Variants in AGXT2 observed in about 807,000 individuals in gnomAD.
AGXT2 encodes the protein alanine--glyoxylate aminotransferase 2.
In AGXT2, 61 loss-of-function variants were observed where a neutral mutation model predicts 62.5. The observed-to-expected ratio is 0.98, with a 90% CI of 0.79 to 1.21. The LOEUF is 1.21. Among genes scored for constraint, AGXT2 ranks in the 50% most tolerant of loss-of-function variants. The pLI, the probability that AGXT2 is intolerant of heterozygous loss-of-function variation, is 0.00. For synonymous variants in AGXT2, 243 were observed against 218.7 expected (o/e 1.11, Z -0.98); for missense variants, 666 against 641.5 (o/e 1.04, Z -0.41).
In AGXT2 at chr5:35,030,415, G is replaced by A. The variant is rs574649370; in HGVS notation, c.769+2317C>T. 2.0e-5 allele frequency among the ~76,000 whole-genome samples: 3 copies of A among 152,324 alleles called. No homozygotes were observed. In the South Asian group the frequency reaches 6.2e-4, roughly 32 times the overall value. On this transcript the variant is annotated intron_variant, in intron 7 of 13. Transcript: ENST00000231420. ...CCCCGCTACTCGGGAAGCTGAGGCAGGAGAATCGCTTGAACCCGGGAGGCG... is the reference window on the plus strand; with the variant it reads ...CCCCGCTACTCGGGAAGCTGAGGCAAGAGAATCGCTTGAACCCGGGAGGCG...
chr5:35,006,609 C>A (rs1766434155), intron 12 of AGXT2, among the ~76,000 whole-genome samples: 1 of 152,166 alleles, frequency 6.6e-6, no homozygotes, highest in Admixed American at 6.5e-5. Flanking sequence ...ATCCAAATAC[C>A]TCCTACTGGC....
At chr5:35,028,867 G>C (rs1476546578) in intron 7 of AGXT2, among the ~76,000 whole-genome samples, 1 of 152,186 alleles carries the variant, frequency 6.6e-6, no homozygotes, top group East Asian at 1.9e-4. Flanking sequence ...CCCAGTGCTT[G>C]CTTAGAGGCA....
chr5:35,047,489 T>A lies in AGXT2; in HGVS notation c.88+316A>T, dbSNP rs1768282928. On this transcript the variant is annotated intron_variant, in intron 1 of 13. Transcript: ENST00000231420. ...ATCCTTGGGCATCTGTAAATTGAAG[T>A]CACACTCTATTTTGATTGCTTTCCT... 3.3e-5 allele frequency among the ~76,000 whole-genome samples: 5 copies of A among 152,178 alleles called. No homozygotes were observed. The South Asian group carries it at 8.3e-4, about 25-fold the overall frequency.
intron 7 of AGXT2, chr5:35,027,171 A>G (rs1416165991): frequency 8.9e-6 from 2 of 223,704 alleles, no homozygotes; most frequent in Non-Finnish European, 1.5e-5. Context: ...TGGCCAGGCA[A>G]GCTGTTTGGT....
intron 1 of AGXT2, among the ~76,000 whole-genome samples, chr5:35,042,763 T>C (rs1323179390): frequency 6.6e-6 from 1 of 151,672 alleles, no homozygotes; most frequent in Admixed American, 6.6e-5. Context: ...TGTGTGTGTG[T>C]GTGTGTGTGT....
intron 5 of AGXT2, among the ~76,000 whole-genome samples, chr5:35,034,026 G>A (rs1249436510): frequency 1.3e-5 from 2 of 152,054 alleles, no homozygotes; most frequent in Non-Finnish European, 2.9e-5. Context: ...TCTTTTGAAC[G>A]TGAAACAGTC....
At chr5:35,040,751 T>C in intron 1 of AGXT2, 88 bp from the exon 2 acceptor site, 1 of 984,872 alleles carries the variant, frequency 1.0e-6, no homozygotes, top group Non-Finnish European at 1.6e-6. Context: ...ATAAAACTGC[T>C]TAGATAATTT....
intron 5 of AGXT2, 61 bp downstream of exon 5, chr5:35,035,161 A>T: frequency 7.4e-7 from 1 of 1,356,556 alleles, no homozygotes; most frequent in Non-Finnish European, 1.1e-6. Flanking sequence ...ATGTAAAGCT[A>T]CACATTTAGA....
chr5:35,007,706 G>GCC (rs1243380990), intron 12 of AGXT2, among the ~76,000 whole-genome samples: 2 of 152,116 alleles, frequency 1.3e-5, no homozygotes, highest in Non-Finnish European at 2.9e-5. Context: ...GAGAAAAAGA[G>GCC]CCCCTTCTAT....
intron 3 of AGXT2, among the ~76,000 whole-genome samples, chr5:35,038,584 G>A (rs993661905): frequency 7.3e-4 from 111 of 152,170 alleles, no homozygotes; most frequent in African/African-American, 2.6e-3. Flanking sequence ...CCTGACAGCT[G>A]CCTGAGGGGG....
rs74427430 is a variant in AGXT2 at position 35,042,916 on chromosome 5, G to A, written c.89-2253C>T. ...TAGTGCCTTTTTAGGCTAACCAGACGACAGCTAATGATTTTCATCCAATTC... is the reference window on the plus strand; with the variant it reads ...TAGTGCCTTTTTAGGCTAACCAGACAACAGCTAATGATTTTCATCCAATTC... On this transcript the variant is annotated intron_variant, in intron 1 of 13. Transcript: ENST00000231420. Among the ~76,000 whole-genome samples the A allele has an allele frequency of 6.4e-3, 971 of 152,242 alleles. 13 individuals carry two copies. The highest frequency in any genetic ancestry group is 0.022 in the African/African-American group (921 of 41,552).
intron 7 of AGXT2, among the ~76,000 whole-genome samples, chr5:35,027,619 T>G (rs1306300764): frequency 2.0e-5 from 3 of 152,032 alleles, no homozygotes; most frequent in Admixed American, 2.0e-4. Context: ...GCTGATCTTT[T>G]TCTTGATTGC....
At chr5:35,047,364 G>A (rs1050426421) in intron 1 of AGXT2, among the ~76,000 whole-genome samples, 1 of 152,136 alleles carries the variant, frequency 6.6e-6, no homozygotes, top group Non-Finnish European at 1.5e-5. Context: ...AATTATTTGA[G>A]CCTTGGAGGT....
intron 6 of AGXT2, 185 bp downstream of exon 6, chr5:35,033,275 C>T: frequency 4.9e-6 from 3 of 611,256 alleles, no homozygotes; most frequent in Non-Finnish European, 2.9e-6. Context: ...TTAATTATTA[C>T]TCAGACTCGG....
At position 35,003,829 on chromosome 5, in the gene AGXT2, T is replaced by A; in HGVS notation, c.1371A>T (p.Val457=). The change falls in exon 13 of 14, where the codon GTA becomes GTT. Residue 457 remains valine, a synonymous_variant. Coordinates refer to ENST00000231420, the MANE Select transcript of AGXT2 (RefSeq NM_031900.4). ...GCTTGCAGTCCTCATGGATCTGATT[T>A]ACTTCTTCACGGGGAAGAGGCCGAC... ...ISCRPLPREE[V]NQIHEDCKHM... 1 of 1,614,226 alleles carries A rather than the reference T, an allele frequency of 6.2e-7. No individual in the cohort carries two copies. Among genetic ancestry groups the A allele is most frequent in the Non-Finnish European group, 8.5e-7 (1 of 1,180,044 alleles).
At chr5:35,003,882 T>C in intron 12 of AGXT2, 21 bp from the exon 13 acceptor site, 1 of 1,608,154 alleles carries the variant, frequency 6.2e-7, no homozygotes, top group East Asian at 2.2e-5. Context: ...ATTTTTAAAA[T>C]TCTTTCTATT....
intron 9 of AGXT2, among the ~76,000 whole-genome samples, chr5:35,014,714 C>T (rs2112204958): frequency 6.6e-6 from 1 of 152,278 alleles, no homozygotes; most frequent in East Asian, 1.9e-4. Context: ...ATGTCACAGG[C>T]TCCATGAGGG....
chr5:35,018,377 G>A (rs554255416), intron 9 of AGXT2, among the ~76,000 whole-genome samples: 19 of 152,196 alleles, frequency 1.2e-4, no homozygotes, highest in East Asian at 3.9e-4. Context: ...CAGATCTATC[G>A]GCAGAAACTC....
chr5:35,028,802 G>A (rs940658598), intron 7 of AGXT2, among the ~76,000 whole-genome samples: 1 of 152,166 alleles, frequency 6.6e-6, no homozygotes, highest in African/African-American at 2.4e-5. Flanking sequence ...GGGATGGAAA[G>A]CCTCAACCCG....
Sources: gnomAD v4.1 joint callset for allele counts (sites outside exome capture counted in the v4.1 genomes callset) on GRCh38, gnomAD v4.1.1 for gene constraint, MANE v1.5 for transcripts, NCBI Gene and HGNC (gene_info 2026-07-23, HGNC 2026-07-21) for gene names.